Variants in NFATC4 observed in about 807,000 individuals in gnomAD.
NFATC4 encodes nuclear factor of activated T-cells, cytoplasmic 4.
NFATC4 carries 25 observed loss-of-function variants against 73.4 expected under a neutral mutation model. The ratio of observed to expected loss-of-function variants is 0.34; its 90% CI spans 0.25 to 0.48. The LOEUF (loss-of-function observed/expected upper bound fraction) is 0.48, where lower values mean the gene tolerates loss of function less well. Ranked by LOEUF, NFATC4 falls within the 20% of genes least tolerant of loss-of-function variation. NFATC4 has a pLI of 0.99. For missense variants in NFATC4, 1,130 were observed against 1,203.7 expected, an observed-to-expected ratio of 0.94 and a Z score of 0.91; for synonymous variants, 523 against 510.3, an observed-to-expected ratio of 1.02 and a Z score of -0.34.
Position 24,376,395 on chromosome 14 carries a change from C to T in NFATC4, c.2158C>T (p.Pro720Ser), listed in dbSNP as rs754339452. ...GTDMDFSPPR[P>S]PYPSYPHEDP... ...TGACATGGACTTCTCACCACCCAGGCCCCCCTACCCCTCCTATCCCCATGA... is the reference window on the plus strand; with the variant it reads ...TGACATGGACTTCTCACCACCCAGGTCCCCCTACCCCTCCTATCCCCATGA... The change falls in exon 9 of 10, where the codon CCC (proline) becomes TCC (serine). Residue 720 changes from proline (P) to serine (S), a missense_variant. Coordinates refer to ENST00000250373, the MANE Select transcript of NFATC4 (RefSeq NM_004554.5). The surrounding 1 kb of genome is among the most constrained non-coding windows in gnomAD (Gnocchi z 5.0). 6.2e-7 allele frequency: 1 copy of T among 1,613,110 alleles called. No homozygotes were observed. The highest frequency in any genetic ancestry group is 8.5e-7 in the Non-Finnish European group (1 of 1,179,418).
chr14:24,367,013 C>T (rs371151929), upstream of NFATC4: 16 of 1,610,264 alleles, frequency 9.9e-6, no homozygotes, highest in African/African-American at 1.6e-4. Flanking sequence ...ACTGGAGACG[C>T]GGCCTCTAAG....
At chr14:24,367,466 G>A, upstream of NFATC4, 1 of 1,535,740 alleles carries the variant, frequency 6.5e-7, no homozygotes, top group Non-Finnish European at 8.7e-7. Context: ...AGCCTGGCCT[G>A]GATCTACGCC....
rs1041102064 is a variant in NFATC4 at position 24,372,992 on chromosome 14, A to G, written c.1360-179A>G. The stretch of plus-strand genomic sequence containing the variant: ...CTTTGGGCTTTATTCCAAGAAAAAC[A>G]CTGTGAACTCCAGGCCATGTTTTCT... On this transcript the variant is annotated intron_variant, in intron 3 of 9. Transcript: ENST00000250373. 8 of 674,434 alleles carry G rather than the reference A, an allele frequency of 1.2e-5. No individual in the cohort carries two copies. In the African/African-American group the frequency reaches 1.4e-4, roughly 12 times the overall value. The allele number at this position is 674,434 out of a possible 1,614,324, so 41.8% of individuals were successfully genotyped here.
In NFATC4 at chr14:24,373,434, T is replaced by C. The variant is rs1444246219; in HGVS notation, c.1559+64T>C. On this transcript the variant is annotated intron_variant, in intron 4 of 9. Transcript: ENST00000250373. The surrounding 1 kb of genome is among the most constrained non-coding windows in gnomAD (Gnocchi z 4.7). The stretch of plus-strand genomic sequence containing the variant: ...GTACTAGCTTTCTCCACTGGGCCTA[T>C]GCTAGCCCACTTCTTCCTTTTCCCA... 1.9e-6 allele frequency: 3 copies of C among 1,557,988 alleles called. No homozygotes were observed. Among genetic ancestry groups the C allele is most frequent in the Non-Finnish European group, 2.6e-6 (3 of 1,137,126 alleles).
At chr14:24,367,430 G>A, upstream of NFATC4, 10 of 1,535,690 alleles carry the variant, frequency 6.5e-6, no homozygotes, top group Non-Finnish European at 8.7e-6. Flanking sequence ...GGCCCCTCTG[G>A]GTGGCTGGGA....
upstream of NFATC4, chr14:24,367,695 C>T: frequency 6.5e-7 from 1 of 1,529,038 alleles, no homozygotes; most frequent in Admixed American, 2.0e-5. Context: ...TTCCGAGCAA[C>T]TCGGTGCCAC....
At chr14:24,375,295 C>T (rs1417715058) in intron 6 of NFATC4, among the ~76,000 whole-genome samples, 1 of 152,102 alleles carries the variant, frequency 6.6e-6, no homozygotes, top group Non-Finnish European at 1.5e-5. Context: ...GGTCTCATTG[C>T]GTTCTGTCGA....
chr14:24,367,277 A>AC (rs1247116268), upstream of NFATC4: 43 of 1,587,864 alleles, frequency 2.7e-5, no homozygotes, highest in East Asian at 6.0e-4. Flanking sequence ...AGGGGAACCC[A>AC]CAGGGTCCGG....
At chr14:24,375,810 C>G in intron 7 of NFATC4, 95 bp downstream of exon 7, 2 of 1,554,036 alleles carry the variant, frequency 1.3e-6, no homozygotes, top group Non-Finnish European at 1.8e-6. Flanking sequence ...GTGGACTTTT[C>G]TGGAGGAGGG....
chr14:24,377,053 C>T lies in NFATC4; in HGVS notation c.2641+175C>T. On this transcript the variant is annotated intron_variant, in intron 9 of 9. Coordinates refer to ENST00000250373, the MANE Select transcript of NFATC4 (RefSeq NM_004554.5). The surrounding 1 kb of genome is among the most constrained non-coding windows in gnomAD (Gnocchi z 4.2). ...CCTGTGGCTGCCTGAATCCAATTAA[C>T]TGAATTCTGAAGAGTGCATGGGGTA... 7.2e-7 allele frequency: 1 copy of T among 1,383,998 alleles called. No homozygotes were observed. Among genetic ancestry groups the T allele is most frequent in the Non-Finnish European group, 9.3e-7 (1 of 1,075,288 alleles). 85.7% of individuals were successfully genotyped at this position (1,383,998 alleles called of 1,614,324 possible).
chr14:24,377,822 C>T lies in NFATC4; in HGVS notation c.*117C>T. Reference sequence around the variant, plus strand: ...GGGGCCAACCCTGGCTCCTCTTTCCCCAGCTTCTGTCTGTCTCACTGTCTT... The same window carrying T: ...GGGGCCAACCCTGGCTCCTCTTTCCTCAGCTTCTGTCTGTCTCACTGTCTT... On this transcript the variant is annotated 3_prime_UTR_variant, in exon 10 of 10. Transcript: ENST00000250373. This position sits in a 1 kb window ranked among gnomAD's most constrained non-coding sequence, Gnocchi z 4.2. 6.4e-7 allele frequency: 1 copy of T among 1,559,348 alleles called. No individual in the cohort carries two copies. Among genetic ancestry groups the T allele is most frequent in the Non-Finnish European group, 8.7e-7 (1 of 1,151,976 alleles).
Position 24,372,422 on chromosome 14 carries a change from G to A in NFATC4, c.1197-19G>A, listed in dbSNP as rs776125453. On this transcript the variant is annotated intron_variant, in intron 2 of 9. Coordinates refer to ENST00000250373, the MANE Select transcript of NFATC4 (RefSeq NM_004554.5). ...GGGTCTGAGGCTGCACATGATCAATGCTCTTCTCTCCCACCCAGGACCTCT... is the reference window on the plus strand; with the variant it reads ...GGGTCTGAGGCTGCACATGATCAATACTCTTCTCTCCCACCCAGGACCTCT... 3 of 1,610,200 alleles carry A rather than the reference G, an allele frequency of 1.9e-6. No homozygotes were observed. The highest frequency in any genetic ancestry group is 2.5e-6 in the Non-Finnish European group (3 of 1,179,276).
In NFATC4 at chr14:24,376,953, C is replaced by T; in HGVS notation, c.2641+75C>T. On this transcript the variant is annotated intron_variant, in intron 9 of 9. Transcript: ENST00000250373. This position sits in a 1 kb window ranked among gnomAD's most constrained non-coding sequence, Gnocchi z 5.0. The stretch of plus-strand genomic sequence containing the variant: ...TCTGCATGTTTGCTGAGGGCTGGAG[C>T]TGGGCTTTTCAGAGATCGGGCATCC... The T allele has an allele frequency of 1.4e-6, 2 of 1,435,002 alleles. No individual in the cohort carries two copies. Among genetic ancestry groups the T allele is most frequent in the Non-Finnish European group, 9.1e-7 (1 of 1,095,970 alleles). The allele number at this position is 1,435,002 out of a possible 1,614,324, so 88.9% of individuals were successfully genotyped here. A position where few individuals can be genotyped will look rare whatever the true frequency, so the allele number is the denominator to read the frequency against.
chr14:24,371,569 A>G (rs2042472659), intron 2 of NFATC4: 1 of 152,326 alleles, frequency 6.6e-6, no homozygotes, highest in Non-Finnish European at 1.5e-5. Flanking sequence ...CCCATCTGAA[A>G]CCCTTAGCTC....
At position 24,368,400 on chromosome 14, in the gene NFATC4, AAAGGAGGCCCCCCCGCTGG is replaced by A; in HGVS notation, c.61_79del (p.Lys21AlafsTer67). The A allele has an allele frequency of 7.4e-7, 1 of 1,352,692 alleles. No homozygotes were observed. Among genetic ancestry groups the A allele is most frequent in the Non-Finnish European group, 9.5e-7 (1 of 1,050,544 alleles). The allele number at this position is 1,352,692 out of a possible 1,614,324, so 83.8% of individuals were successfully genotyped here. A position where few individuals can be genotyped will look rare whatever the true frequency, so the allele number is the denominator to read the frequency against. On this transcript the variant is annotated frameshift_variant, in exon 1 of 10. Transcript: ENST00000250373. LOFTEE classifies it high-confidence loss of function. The stretch of plus-strand genomic sequence containing the variant: ...AATTTAAGCTGGTGTTCGGGGAGGA[AAAGGAGGCCCCCCCGCTGG>A]GCGCGGGGGGATTGGGGGAAGGTTA...
Position 24,375,963 on chromosome 14 carries a change from A to T in NFATC4, c.1930-12A>T, listed in dbSNP as rs1274205121. The T allele has an allele frequency of 1.2e-6, 2 of 1,613,336 alleles. No individual in the cohort carries two copies. The highest frequency in any genetic ancestry group is 1.7e-6 in the Non-Finnish European group (2 of 1,179,860). ...CCCGAGGGCTCCCTGCCTCATTTTT[A>T]CTCTTCCCTAGGTGACGCTGACCCT... On this transcript the variant is annotated splice_polypyrimidine_tract_variant and intron_variant, in intron 7 of 9. Transcript: ENST00000250373.
chr14:24,372,298 T>G, intron 2 of NFATC4, 143 bp from the exon 3 acceptor site: 1 of 884,174 alleles, frequency 1.1e-6, no homozygotes. Flanking sequence ...TTTCCCTTCT[T>G]TTCACAAGTG....
rs369479081 is a variant in NFATC4, at chr14:24,376,252, A to G, written c.2057-42A>G. On this transcript the variant is annotated intron_variant, in intron 8 of 9. Coordinates refer to ENST00000250373, the MANE Select transcript of NFATC4 (RefSeq NM_004554.5). The surrounding 1 kb of genome is among the most constrained non-coding windows in gnomAD (Gnocchi z 5.0). ...GAAGGTGTGCAGTGGGGAGACTACC[A>G]GACCTCTCACCAGCATGTCCTCCCA... is the stretch of plus-strand genomic sequence containing the variant. 1.3e-6 allele frequency: 2 copies of G among 1,559,216 alleles called. No homozygotes were observed. Among genetic ancestry groups the G allele is most frequent in the Non-Finnish European group, 1.7e-6 (2 of 1,151,454 alleles).
chr14:24,369,449 C>G (rs1403064609), intron 1 of NFATC4, 50 bp from the exon 2 acceptor site: 1 of 1,611,654 alleles, frequency 6.2e-7, no homozygotes, highest in Non-Finnish European at 8.5e-7. Context: ...GCCATCTCAC[C>G]TGCTTCTCTC....
Sources: allele counts gnomAD v4.1 joint callset (sites outside exome capture counted in the v4.1 genomes callset), GRCh38; gene constraint gnomAD v4.1.1; non-coding constraint Gnocchi (gnomAD v3.1); transcripts MANE v1.5; gene names NCBI Gene and HGNC (gene_info 2026-07-23, HGNC 2026-07-21).